Variants in LDAH observed in about 807,000 individuals in gnomAD.
LDAH encodes the protein lipid droplet-associated hydrolase.
A neutral mutation model predicts 29.6 loss-of-function variants in LDAH; 26 were observed. The ratio of observed to expected loss-of-function variants is 0.88; its 90% CI spans 0.64 to 1.22. The LOEUF is 1.22. Among genes scored for constraint, LDAH ranks in the 50% most tolerant of loss-of-function variants. The pLI is 0.00. For synonymous variants in LDAH, 117 were observed against 133.0 expected (o/e 0.88, Z 0.83); for missense variants, 344 against 387.3 (o/e 0.89, Z 0.94).
chr2:20,746,719 T>C (rs1027959194), intron 4 of LDAH, among the ~76,000 whole-genome samples: 2 of 152,252 alleles, frequency 1.3e-5, no homozygotes, highest in Non-Finnish European at 2.9e-5. Context: ...GTATGCCTAA[T>C]TTGATAACAC....
intron 5 of LDAH, among the ~76,000 whole-genome samples, chr2:20,727,004 G>A (rs377190922): frequency 2.0e-5 from 3 of 151,982 alleles, no homozygotes; most frequent in East Asian, 1.9e-4. Context: ...AACACTGACC[G>A]AAAAACAAAA....
At chr2:20,787,646 G>C (rs1670647257) in intron 3 of LDAH, among the ~76,000 whole-genome samples, 1 of 152,082 alleles carries the variant, frequency 6.6e-6, no homozygotes, top group African/African-American at 2.4e-5. Flanking sequence ...AGTTCTACAT[G>C]TCAGAGCTGA....
intron 5 of LDAH, among the ~76,000 whole-genome samples, chr2:20,734,372 T>C (rs192414811): frequency 8.9e-4 from 136 of 152,240 alleles, no homozygotes; most frequent in South Asian, 2.9e-3. Flanking sequence ...TTTTCTGGTC[T>C]TCCAATCAAT....
chr2:20,718,863 T>C (rs4971542), intron 5 of LDAH, among the ~76,000 whole-genome samples: 36,086 of 151,970 alleles, frequency 0.24, 4,856 homozygotes, highest in East Asian at 0.36. Flanking sequence ...AAGAGGAACT[T>C]TGAAAACTGT....
chr2:20,811,484 G>GTT (rs11321857), intron 1 of LDAH, among the ~76,000 whole-genome samples: 11 of 144,852 alleles, frequency 7.6e-5, no homozygotes, highest in African/African-American at 2.5e-4. Context: ...GATTAAACTA[G>GTT]TTTTTTTTTT....
At chr2:20,708,266 T>C (rs1419391110) in intron 5 of LDAH, among the ~76,000 whole-genome samples, 1 of 152,140 alleles carries the variant, frequency 6.6e-6, no homozygotes, top group East Asian at 1.9e-4. Flanking sequence ...GACTGGTAAC[T>C]AGAGAACTCA....
At chr2:20,683,484 A>G (rs114317686), downstream of LDAH, among the ~76,000 whole-genome samples, 618 of 152,374 alleles carry the variant, frequency 4.1e-3, 3 homozygotes, top group African/African-American at 0.014. Flanking sequence ...AGAGAAGGCC[A>G]GGGATGAAGA....
At chr2:20,818,998 C>A (rs1673057353) in intron 1 of LDAH, among the ~76,000 whole-genome samples, 1 of 152,026 alleles carries the variant, frequency 6.6e-6, no homozygotes, top group Non-Finnish European at 1.5e-5. Flanking sequence ...CACACTAACC[C>A]CAGTGAGATT....
chr2:20,709,299 T>C (rs1190065277), intron 5 of LDAH, among the ~76,000 whole-genome samples: 1 of 152,126 alleles, frequency 6.6e-6, no homozygotes, highest in African/African-American at 2.4e-5. Flanking sequence ...ATTATGTATA[T>C]GCAAATATTT....
rs575524367 is a variant in LDAH, at chr2:20,817,214, T to C, written c.-3+5823A>G. ...AATATAAGAGCAGAAATCAATGACA[T>C]TAAAAATATAAAAATAGACAAAGAT... is the stretch of plus-strand genomic sequence containing the variant. On this transcript the variant is annotated intron_variant, in intron 1 of 6. Transcript: ENST00000237822. Among the ~76,000 whole-genome samples, 94 of 151,908 alleles carry C rather than the reference T, an allele frequency of 6.2e-4. 1 individual carries two copies. In the Middle Eastern group the frequency reaches 0.014, roughly 22 times the overall value.
Position 20,711,200 on chromosome 2 carries a change from A to G in LDAH, c.704-9548T>C, listed in dbSNP as rs941302079. Among the ~76,000 whole-genome samples, 8 of 151,984 alleles carry G rather than the reference A, an allele frequency of 5.3e-5. No homozygotes were observed. The South Asian group carries it at 6.2e-4, about 12-fold the overall frequency. On this transcript the variant is annotated intron_variant, in intron 5 of 6. Coordinates refer to ENST00000237822, the MANE Select transcript of LDAH (RefSeq NM_021925.4). ...TCAGGAGATCGAGACCATCCTGGCT[A>G]ACATGGTGAAACCCTGTCTCTACTA...
intron 4 of LDAH, among the ~76,000 whole-genome samples, chr2:20,764,440 T>C (rs1047841090): frequency 6.6e-6 from 1 of 152,228 alleles, no homozygotes; most frequent in Non-Finnish European, 1.5e-5. Flanking sequence ...ATCCTCCAAT[T>C]TCCTTCATAG....
intron 5 of LDAH, among the ~76,000 whole-genome samples, chr2:20,728,046 T>C (rs1194469962): frequency 6.6e-6 from 1 of 152,168 alleles, no homozygotes; most frequent in Non-Finnish European, 1.5e-5. Flanking sequence ...TTTGAATATT[T>C]TGGTTCCTAG....
Position 20,790,375 on chromosome 2 carries a change from A to G in LDAH, c.178T>C (p.Tyr60His), listed in dbSNP as rs143046758. The change falls in exon 3 of 7, where the codon TAT (tyrosine) becomes CAT (histidine). Residue 60 changes from tyrosine (Y) to histidine (H), a missense_variant. Tyr to His is a moderately conservative substitution (Grantham distance 83, BLOSUM62 2). Coordinates refer to ENST00000237822, the MANE Select transcript of LDAH (RefSeq NM_021925.4). ...IPGNPGFSAF[Y>H]VPFAKALYSL... ...TATAAAGCCTTTGCAAATGGCACATAAAAGGCAGAAAAACCTGGGTTACCT... is the reference window on the plus strand; with the variant it reads ...TATAAAGCCTTTGCAAATGGCACATGAAAGGCAGAAAAACCTGGGTTACCT... 4.6e-4 allele frequency: 749 copies of G among 1,613,304 alleles called. No individual in the cohort carries two copies. Among genetic ancestry groups the G allele is most frequent in the Non-Finnish European group, 6.2e-4 (728 of 1,179,818 alleles).
rs1453568856 is a variant in LDAH, at chr2:20,789,425, G to T, written c.298+830C>A. On this transcript the variant is annotated intron_variant, in intron 3 of 6. Coordinates refer to ENST00000237822, the MANE Select transcript of LDAH (RefSeq NM_021925.4). ...GACGTCCAGTCTCAAGAAACTATGA[G>T]AAATCAATTTCCATTTTTAAAAGCT... The T allele has an allele frequency of 2.1e-6, 3 of 1,444,294 alleles. No individual in the cohort carries two copies. The East Asian group carries it at 7.6e-5, about 36-fold the overall frequency. 89.5% of individuals were successfully genotyped at this position (1,444,294 alleles called of 1,614,324 possible).
chr2:20,819,103 A>G (rs142072666), intron 1 of LDAH, among the ~76,000 whole-genome samples: 235 of 152,298 alleles, frequency 1.5e-3, no homozygotes, highest in Non-Finnish European at 1.7e-3. Flanking sequence ...AAACGAAACC[A>G]CACACTACAC....
intron 5 of LDAH, among the ~76,000 whole-genome samples, chr2:20,721,832 C>A (rs543112298): frequency 6.6e-6 from 1 of 152,326 alleles, no homozygotes; most frequent in Admixed American, 6.5e-5. Context: ...AAAGAGGTAT[C>A]TGCATTCCCA....
chr2:20,759,350 A>T (rs1668531709), intron 4 of LDAH, among the ~76,000 whole-genome samples: 2 of 152,192 alleles, frequency 1.3e-5, no homozygotes, highest in Non-Finnish European at 2.9e-5. Context: ...GCTTCTTCCC[A>T]AACAAATACA....
At chr2:20,740,785 C>T (rs6739730) in intron 4 of LDAH, among the ~76,000 whole-genome samples, 15 of 152,262 alleles carry the variant, frequency 9.9e-5, no homozygotes, top group South Asian at 2.1e-4. Flanking sequence ...TAGATACCTA[C>T]GAGCACAATT....
Sources: gnomAD v4.1 joint callset for allele counts (sites outside exome capture counted in the v4.1 genomes callset) on GRCh38, gnomAD v4.1.1 for gene constraint, MANE v1.5 for transcripts, NCBI Gene and HGNC (gene_info 2026-07-23, HGNC 2026-07-21) for gene names.